The following LRMDA variants were observed in gnomAD, a reference collection of about 807,000 sequenced individuals.
LRMDA encodes the protein leucine-rich melanocyte differentiation-associated protein.
LRMDA carries 18 observed loss-of-function variants against 29.8 expected under a neutral mutation model. The ratio of observed to expected loss-of-function variants is 0.60; its 90% CI spans 0.42 to 0.90. The LOEUF (loss-of-function observed/expected upper bound fraction) is 0.90, where lower values mean the gene tolerates loss of function less well. Among genes scored for constraint, LRMDA ranks in the 40% least tolerant of loss-of-function variants. The pLI, the probability that LRMDA is intolerant of heterozygous loss-of-function variation, is 0.00. For synonymous variants in LRMDA, 125 were observed against 109.4 expected (o/e 1.14, Z -0.89); for missense variants, 273 against 273.9 (o/e 1.00, Z 0.02).
At chr10:75,942,717 G>A (rs1846412896) in intron 2 of LRMDA, among the ~76,000 whole-genome samples, 1 of 152,194 alleles carries the variant, frequency 6.6e-6, no homozygotes, top group African/African-American at 2.4e-5. Context: ...GATGAGGGAT[G>A]CTGGTTGCTG....
intron 2 of LRMDA, among the ~76,000 whole-genome samples, chr10:75,684,678 C>T (rs1842062312): frequency 6.6e-6 from 1 of 152,178 alleles, no homozygotes; most frequent in Admixed American, 6.5e-5. Context: ...CATTATAACT[C>T]CTTCTTTAAT....
intron 5 of LRMDA, among the ~76,000 whole-genome samples, chr10:76,092,196 A>G (rs1849242383): frequency 6.6e-6 from 1 of 152,178 alleles, no homozygotes. Flanking sequence ...TCCCCTAGTT[A>G]ATGAATCATA....
chr10:75,966,948 AC>A (rs1846871994), intron 2 of LRMDA, among the ~76,000 whole-genome samples: 2 of 152,214 alleles, frequency 1.3e-5, no homozygotes, highest in African/African-American at 4.8e-5. Flanking sequence ...TAGCATTTGC[AC>A]CCCATAGGAG....
chr10:76,142,876 G>A (rs1477865117), intron 5 of LRMDA, among the ~76,000 whole-genome samples: 1 of 151,068 alleles, frequency 6.6e-6, no homozygotes, highest in Non-Finnish European at 1.5e-5. Flanking sequence ...AGTGTGTGAT[G>A]TTCCCCTTCC....
chr10:76,209,076 C>G (rs577544120), intron 5 of LRMDA, among the ~76,000 whole-genome samples: 99 of 152,170 alleles, frequency 6.5e-4, no homozygotes, highest in Admixed American at 1.7e-3. Flanking sequence ...ATCACTTGAA[C>G]CCAGGAGGCA....
chr10:75,748,248 C>T (rs546220951), intron 2 of LRMDA, among the ~76,000 whole-genome samples: 1 of 152,228 alleles, frequency 6.6e-6, no homozygotes, highest in African/African-American at 2.4e-5. Flanking sequence ...CACACACCAC[C>T]ACACCTGGCT....
Position 75,644,924 on chromosome 10 carries a change from G to A in LRMDA, c.131+206430G>A, listed in dbSNP as rs561229712. Among the ~76,000 whole-genome samples, 14 of 152,148 alleles carry A rather than the reference G, an allele frequency of 9.2e-5. No individual in the cohort carries two copies. In the East Asian group the frequency reaches 2.5e-3, roughly 27 times the overall value. On this transcript the variant is annotated intron_variant, in intron 2 of 6. Coordinates refer to ENST00000611255, the MANE Select transcript of LRMDA (RefSeq NM_001305581.2). Reference sequence around the variant, plus strand: ...TCTCTACCTCAAGGCCCACTCTTAGGAGTGGTGTCTATTCATGTGTTCAGC... The same window carrying A: ...TCTCTACCTCAAGGCCCACTCTTAGAAGTGGTGTCTATTCATGTGTTCAGC...
chr10:76,401,327 C>A (rs1277638285), intron 6 of LRMDA, among the ~76,000 whole-genome samples: 3 of 152,184 alleles, frequency 2.0e-5, no homozygotes, highest in Non-Finnish European at 2.9e-5. Flanking sequence ...CTTGCTTATT[C>A]TTTTATTCCT....
At chr10:75,875,439 T>C (rs1845180020) in intron 2 of LRMDA, among the ~76,000 whole-genome samples, 1 of 152,098 alleles carries the variant, frequency 6.6e-6, no homozygotes, top group African/African-American at 2.4e-5. Context: ...TTTTTCTTTT[T>C]CTTTTTTTTT....
intron 6 of LRMDA, among the ~76,000 whole-genome samples, chr10:76,372,917 A>T (rs923735195): frequency 1.3e-5 from 2 of 152,180 alleles, no homozygotes; most frequent in African/African-American, 4.8e-5. Context: ...AGTCTATGGA[A>T]CACTGCTTCA....
intron 2 of LRMDA, among the ~76,000 whole-genome samples, chr10:75,879,460 C>T (rs1468593963): frequency 6.6e-6 from 1 of 152,224 alleles, no homozygotes; most frequent in African/African-American, 2.4e-5. Flanking sequence ...TGGTCATTTA[C>T]CGCCTCAGAT....
intron 5 of LRMDA, among the ~76,000 whole-genome samples, chr10:76,270,045 T>G (rs1840048616): frequency 6.6e-6 from 1 of 152,196 alleles, no homozygotes; most frequent in Non-Finnish European, 1.5e-5. Context: ...CCCGTCAGTA[T>G]TTACAAAGCA....
intron 2 of LRMDA, among the ~76,000 whole-genome samples, chr10:75,483,835 C>T (rs1844879120): frequency 3.9e-5 from 5 of 129,008 alleles, no homozygotes; most frequent in Non-Finnish European, 5.1e-5. Flanking sequence ...CATTTTTTTT[C>T]CTTCTGTAAT....
At chr10:76,289,183 C>T (rs910568362) in intron 5 of LRMDA, among the ~76,000 whole-genome samples, 2 of 152,138 alleles carry the variant, frequency 1.3e-5, no homozygotes, top group African/African-American at 4.8e-5. Context: ...GGTGCTGAAG[C>T]AGATATTTCC....
At chr10:76,018,705 C>G (rs1173049589) in intron 2 of LRMDA, among the ~76,000 whole-genome samples, 2 of 138,612 alleles carry the variant, frequency 1.4e-5, no homozygotes, top group African/African-American at 5.3e-5. Flanking sequence ...GTTCCTGAGA[C>G]TACAGGTGTG....
chr10:76,442,194 CA>C (rs1189707193), intron 6 of LRMDA, among the ~76,000 whole-genome samples: 1 of 151,792 alleles, frequency 6.6e-6, no homozygotes, highest in Admixed American at 6.6e-5. Context: ...TGGTTTTACG[CA>C]AGAAAATTAT....
intron 2 of LRMDA, among the ~76,000 whole-genome samples, chr10:75,927,651 A>G (rs1429787035): frequency 6.6e-6 from 1 of 152,216 alleles, no homozygotes; most frequent in African/African-American, 2.4e-5. Context: ...ACTGTAATCA[A>G]GTGGTGCTAT....
At chr10:76,512,761 T>C (rs1018490903) in intron 6 of LRMDA, among the ~76,000 whole-genome samples, 7 of 152,206 alleles carry the variant, frequency 4.6e-5, no homozygotes, top group Non-Finnish European at 8.8e-5. Flanking sequence ...CCTTGTATTA[T>C]GGGCCTTAAT....
At chr10:76,301,730 A>G (rs540191861) in intron 5 of LRMDA, among the ~76,000 whole-genome samples, 1 of 152,334 alleles carries the variant, frequency 6.6e-6, no homozygotes, top group Admixed American at 6.5e-5. Flanking sequence ...GGCTGTTAAC[A>G]GTAGAAATAA....
Sources: allele counts gnomAD v4.1 joint callset (sites outside exome capture counted in the v4.1 genomes callset), GRCh38; gene constraint gnomAD v4.1.1; transcripts MANE v1.5; gene names NCBI Gene and HGNC (gene_info 2026-07-23, HGNC 2026-07-21).